Variants in BAZ1B observed in about 807,000 individuals in gnomAD.
The protein encoded by BAZ1B is bromodomain adjacent to zinc finger domain 1B, also known as tyrosine-protein kinase BAZ1B.
A neutral mutation model predicts 153.8 loss-of-function variants in BAZ1B; 22 were observed. The ratio of observed to expected loss-of-function variants is 0.14; its 90% CI spans 0.10 to 0.20. BAZ1B has a LOEUF of 0.20. BAZ1B is among the 10% of genes least tolerant of loss of function. The pLI is 1.00. For synonymous variants in BAZ1B, 676 were observed against 633.4 expected, an observed-to-expected ratio of 1.07 and a Z score of -1.01; for missense variants, 1,325 against 1,799.3, an observed-to-expected ratio of 0.74 and a Z score of 4.77.
At chr7:73,464,892 A>G (rs1788523240) in intron 11 of BAZ1B, among the ~76,000 whole-genome samples, 1 of 150,984 alleles carries the variant, frequency 6.6e-6, no homozygotes, top group African/African-American at 2.4e-5. Context: ...CACCCAAGAT[A>G]ATTTTTGTTT....
intron 10 of BAZ1B, among the ~76,000 whole-genome samples, chr7:73,465,929 C>T (rs1200335405): frequency 1.3e-5 from 2 of 152,076 alleles, no homozygotes; most frequent in South Asian, 2.1e-4. Context: ...AGCAGAAATG[C>T]GCATAAAGGA....
intron 19 of BAZ1B, 45 bp downstream of exon 19, chr7:73,442,136 T>TTGCC: frequency 1.7e-6 from 1 of 573,490 alleles, no homozygotes; most frequent in East Asian, 3.0e-5. Flanking sequence ...CTCGCTCGCC[T>TTGCC]CCCTCCCACC....
chr7:73,476,550 T>C (rs912366921), intron 7 of BAZ1B, among the ~76,000 whole-genome samples: 5 of 152,192 alleles, frequency 3.3e-5, no homozygotes, highest in Admixed American at 2.6e-4. Flanking sequence ...AGCTAGAACC[T>C]GAACCCAGGT....
In BAZ1B at chr7:73,462,993, T is replaced by C. The variant is rs1466653155; in HGVS notation, c.3178A>G (p.Ile1060Val). 1.9e-6 allele frequency: 3 copies of C among 1,614,038 alleles called. No homozygotes were observed. Among genetic ancestry groups the C allele is most frequent in the Non-Finnish European group, 2.5e-6 (3 of 1,179,936 alleles). Residue 1060 changes from isoleucine (I) to valine (V), a missense_variant, in exon 12 of 20, where the codon ATT becomes GTT. Coordinates refer to ENST00000339594, the MANE Select transcript of BAZ1B (RefSeq NM_032408.4). The stretch of plus-strand genomic sequence containing the variant: ...TTTTGTAACCTTGTTGCAACTTCAA[T>C]GAGATCACTACGAAGGAAGTTTAAA... ...ELLNFLRSDL[I>V]EVATRLQKGG...
intron 13 of BAZ1B, among the ~76,000 whole-genome samples, chr7:73,454,929 C>T (rs1788138481): frequency 6.6e-6 from 1 of 151,986 alleles, no homozygotes; most frequent in Non-Finnish European, 1.5e-5. Flanking sequence ...GATCTCGGCT[C>T]ACTGCAACCT....
chr7:73,452,196 G>C (rs782128963), intron 13 of BAZ1B, among the ~76,000 whole-genome samples: 2 of 151,982 alleles, frequency 1.3e-5, no homozygotes, highest in African/African-American at 2.4e-5. Flanking sequence ...ACAATAATAG[G>C]TAGCCCTTGT....
intron 6 of BAZ1B, among the ~76,000 whole-genome samples, chr7:73,488,644 G>C (rs76519964): frequency 0.029 from 4,294 of 149,484 alleles, 63 homozygotes; most frequent in Middle Eastern, 0.065. Context: ...AGAAGAAGGA[G>C]AAGGAGGTTG....
At chr7:73,442,945 G>A (rs563943059) in intron 17 of BAZ1B, 117 bp from the exon 18 acceptor site, 13 of 803,494 alleles carry the variant, frequency 1.6e-5, no homozygotes, top group South Asian at 3.4e-5. Context: ...TTTCCTTGGC[G>A]CAGAGGTGCT....
intron 3 of BAZ1B, among the ~76,000 whole-genome samples, chr7:73,500,373 AC>A (rs1227897716): frequency 2.0e-5 from 3 of 151,748 alleles, no homozygotes; most frequent in African/African-American, 7.3e-5. Flanking sequence ...CCTCATCTCT[AC>A]AAAAAACACA....
chr7:73,499,667 A>T (rs781926329), intron 3 of BAZ1B, among the ~76,000 whole-genome samples: 1 of 152,086 alleles, frequency 6.6e-6, no homozygotes, highest in East Asian at 1.9e-4. Context: ...GTGCCACCAC[A>T]CTCCGGCCTA....
intron 18 of BAZ1B, 77 bp from the exon 19 acceptor site, chr7:73,442,630 G>C: frequency 6.4e-7 from 1 of 1,555,162 alleles, no homozygotes; most frequent in Non-Finnish European, 8.7e-7. Context: ...GTCCTGAAAA[G>C]CAAGGGCTTG....
At chr7:73,489,435 T>C (rs1789546866) in intron 5 of BAZ1B, 44 bp from the exon 6 acceptor site, 6 of 1,598,126 alleles carry the variant, frequency 3.8e-6, no homozygotes, top group Non-Finnish European at 5.1e-6. Context: ...GGGTAAAAAG[T>C]AATTACCCAA....
intron 4 of BAZ1B, 26 bp downstream of exon 4, chr7:73,498,471 C>T (rs782199311): frequency 4.8e-5 from 77 of 1,596,886 alleles, no homozygotes; most frequent in Non-Finnish European, 4.3e-6. Context: ...TCATAAAACA[C>T]TAAGGAAAGC....
At chr7:73,471,470 T>A (rs1456682671) in intron 7 of BAZ1B, among the ~76,000 whole-genome samples, 2 of 152,194 alleles carry the variant, frequency 1.3e-5, no homozygotes, top group African/African-American at 4.8e-5. Flanking sequence ...CTTGACACCA[T>A]AGGGTACATG....
At chr7:73,498,451 A>AAACAGG (rs782261797) in intron 4 of BAZ1B, 46 bp downstream of exon 4, 116 of 1,544,088 alleles carry the variant, frequency 7.5e-5, no homozygotes, top group Non-Finnish European at 9.7e-5. Context: ...ATAATAAAAT[A>AAACAGG]AACAGGATCT....
At chr7:73,474,668 G>C (rs1180904124) in intron 7 of BAZ1B, among the ~76,000 whole-genome samples, 8 of 152,088 alleles carry the variant, frequency 5.3e-5, no homozygotes, top group African/African-American at 1.9e-4. Flanking sequence ...CCAGCTACTC[G>C]GGAGGCTGAG....
Position 73,477,119 on chromosome 7 carries a change from A to T in BAZ1B, c.2342T>A (p.Leu781His). The change falls in exon 7 of 20, where the codon CTT becomes CAT. Residue 781 changes from leucine (L) to histidine (H), a missense_variant. Physicochemically the swap from Leu to His is moderately conservative, Grantham distance 99 (BLOSUM62 -3). Around this residue, in one of 9 missense-constraint regions of BAZ1B, gnomAD observed 431 missense variants for 563.5 expected, o/e 0.76. Transcript: ENST00000339594. The surrounding 1 kb of genome is among the most constrained non-coding windows in gnomAD (Gnocchi z 5.6). The part of the protein sequence containing the change: ...QMSAELWKER[L>H]AVLKEENDKK... The stretch of plus-strand genomic sequence containing the variant: ...ATCATTTTCTTCCTTCAACACAGCA[A>T]GCCGTTCCTTCCACAACTCTGCAGA... The T allele has an allele frequency of 6.2e-7, 1 of 1,614,124 alleles. No homozygotes were observed. Among genetic ancestry groups the T allele is most frequent in the Non-Finnish European group, 8.5e-7 (1 of 1,180,028 alleles).
Position 73,478,402 on chromosome 7 carries a change from C to T in BAZ1B, c.1059G>A (p.Val353=), listed in dbSNP as rs1215669078. Reference sequence around the variant, plus strand: ...GAGATTTGGAATTCTTTGAGTTCTTCACTTTGAGTGGCGAGCCACTCAATG... The same window carrying T: ...GAGATTTGGAATTCTTTGAGTTCTTTACTTTGAGTGGCGAGCCACTCAATG... The part of the protein sequence containing the change: ...KKSLSGSPLK[V]KNSKNSKSPE... The change falls in exon 7 of 20, where the codon GTG becomes GTA. Residue 353 remains valine, a synonymous_variant. Coordinates refer to ENST00000339594, the MANE Select transcript of BAZ1B (RefSeq NM_032408.4). The T allele has an allele frequency of 5.0e-6, 8 of 1,612,104 alleles. No homozygotes were observed. Among genetic ancestry groups the T allele is most frequent in the Non-Finnish European group, 6.8e-6 (8 of 1,179,360 alleles).
Position 73,478,131 on chromosome 7 carries a change from C to T in BAZ1B, c.1330G>A (p.Ala444Thr). Residue 444 changes from alanine to threonine, a missense_variant, in exon 7 of 20, where the codon GCC (alanine) becomes ACC (threonine). Physicochemically the swap from Ala to Thr is moderately conservative, Grantham distance 58 (BLOSUM62 0). Coordinates refer to ENST00000339594, the MANE Select transcript of BAZ1B (RefSeq NM_032408.4). ...KMKQMTLLDM[A>T]KGTQKMTRAP... Reference sequence around the variant, plus strand: ...CGTGTCATCTTCTGCGTGCCTTTGGCCATATCCAACAAAGTCATCTGCTTC... The same window carrying T: ...CGTGTCATCTTCTGCGTGCCTTTGGTCATATCCAACAAAGTCATCTGCTTC... 1.2e-6 allele frequency: 2 copies of T among 1,614,136 alleles called. No individual in the cohort carries two copies. Among genetic ancestry groups the T allele is most frequent in the Non-Finnish European group, 1.7e-6 (2 of 1,180,032 alleles).
Sources: gnomAD v4.1 joint callset for allele counts (sites outside exome capture counted in the v4.1 genomes callset) on GRCh38, gnomAD v4.1.1 for gene constraint, gnomAD v4.1.1 regional missense constraint, Gnocchi (gnomAD v3.1) non-coding constraint, MANE v1.5 for transcripts, NCBI Gene and HGNC (gene_info 2026-07-23, HGNC 2026-07-21) for gene names.